The following DMXL1 variants were observed in gnomAD, a reference collection of about 807,000 sequenced individuals.
DMXL1 encodes dmX-like protein 1.
Under a neutral mutation model 319.2 loss-of-function variants are expected in DMXL1, and 99 were observed. The observed-to-expected ratio is 0.31, with a 90% CI of 0.26 to 0.37. DMXL1 has a LOEUF of 0.37. Among genes scored for constraint, DMXL1 ranks in the 10% least tolerant of loss-of-function variants. The pLI, the probability that DMXL1 is intolerant of heterozygous loss-of-function variation, is 1.00. For missense variants in DMXL1, 3,745 were observed against 3,595.6 expected, an observed-to-expected ratio of 1.04 and a Z score of -1.06; for synonymous variants, 1,385 against 1,235.2, an observed-to-expected ratio of 1.12 and a Z score of -2.54.
chr5:119,246,630 C>CTTT (rs11284492), intron 43 of DMXL1, among the ~76,000 whole-genome samples: 1 of 70,384 alleles, frequency 1.4e-5, no homozygotes, highest in Non-Finnish European at 3.0e-5. Context: ...TTTTCTTTTC[C>CTTT]TTTTTTTTTT....
At position 119,148,899 on chromosome 5, in the gene DMXL1, A is replaced by G. The variant is rs1296184117; in HGVS notation, c.3072A>G (p.Glu1024=). The G allele has an allele frequency of 6.2e-7, 1 of 1,613,888 alleles. No individual in the cohort carries two copies. The highest frequency in any genetic ancestry group is 1.7e-5 in the Admixed American group (1 of 59,984). The change falls in exon 18 of 44, where the codon GAA becomes GAG. Residue 1024 remains glutamate (E), a synonymous_variant. Transcript: ENST00000539542. The part of the protein sequence containing the change: ...NGKIDLAYIW[E]EWPLLIEDGL... ...AAATTGATCTTGCATACATTTGGGA[A>G]GAATGGCCATTACTTATTGAAGATG...
At chr5:119,162,207 G>A (rs72784088) in intron 19 of DMXL1, among the ~76,000 whole-genome samples, 37,847 of 152,018 alleles carry the variant, frequency 0.25, 4,992 homozygotes, top group East Asian at 0.55. Flanking sequence ...CCCTTCTACT[G>A]CAGTTTTTGT....
intron 34 of DMXL1, among the ~76,000 whole-genome samples, chr5:119,215,641 A>G (rs892622646): frequency 1.3e-5 from 2 of 152,026 alleles, no homozygotes; most frequent in Admixed American, 6.6e-5. Flanking sequence ...CTTAGTTGCT[A>G]TTTTTAAAAC....
intron 41 of DMXL1, among the ~76,000 whole-genome samples, 182 bp from the exon 42 acceptor site, chr5:119,240,237 C>T (rs1355011176): frequency 6.6e-6 from 1 of 152,138 alleles, no homozygotes; most frequent in Non-Finnish European, 1.5e-5. Context: ...TCCACCACTG[C>T]ATTCTTTTTT....
rs770281161 is a variant in DMXL1, at chr5:119,119,021, C to A, written c.933+17C>A. 1.3e-6 allele frequency: 2 copies of A among 1,569,290 alleles called. No homozygotes were observed. Among genetic ancestry groups the A allele is most frequent in the South Asian group, 2.3e-5 (2 of 85,146 alleles). On this transcript the variant is annotated intron_variant, in intron 8 of 43. Transcript: ENST00000539542. ...GCTTTAGAAGTGAGTGTTTTTGTTACATTACTTACTACAAGTTTTAAAACC... is the reference window on the plus strand; with the variant it reads ...GCTTTAGAAGTGAGTGTTTTTGTTAAATTACTTACTACAAGTTTTAAAACC...
chr5:119,178,439 T>C, intron 28 of DMXL1, 195 bp downstream of exon 28: 2 of 361,630 alleles, frequency 5.5e-6, no homozygotes, highest in Non-Finnish European at 7.7e-6. Flanking sequence ...AAGATATTCC[T>C]GTACCAATAA....
At position 119,171,101 on chromosome 5, in the gene DMXL1, C is replaced by T. The variant is rs1297418472; in HGVS notation, c.6310C>T (p.Pro2104Ser). ...ATTAAATGAGGATGCTGAAGATTTGCCTCACCAAACAAAAGTGAAACAACT... is the reference window on the plus strand; with the variant it reads ...ATTAAATGAGGATGCTGAAGATTTGTCTCACCAAACAAAAGTGAAACAACT... ...FGLNEDAEDL[P>S]HQTKVKQLRE... The change falls in exon 24 of 44, where the codon CCT becomes TCT. Residue 2104 changes from proline (P) to serine (S), a missense_variant. Pro to Ser is a moderately conservative substitution (Grantham distance 74). Around this residue, in one of 4 missense-constraint regions of DMXL1, gnomAD observed 1,382 missense variants for 1,269.5 expected, o/e 1.09. Transcript: ENST00000539542. 3 of 1,613,636 alleles carry T rather than the reference C, an allele frequency of 1.9e-6. No homozygotes were observed. Among genetic ancestry groups the T allele is most frequent in the Non-Finnish European group, 2.5e-6 (3 of 1,179,838 alleles).
intron 38 of DMXL1, among the ~76,000 whole-genome samples, chr5:119,232,829 A>G (rs1787026209): frequency 1.3e-5 from 2 of 151,804 alleles, no homozygotes; most frequent in Non-Finnish European, 2.9e-5. Flanking sequence ...AAAATTAACT[A>G]CAAAATTACA....
chr5:119,121,077 C>G lies in DMXL1; in HGVS notation c.1040C>G (p.Thr347Ser). 2 of 1,613,264 alleles carry G rather than the reference C, an allele frequency of 1.2e-6. No individual in the cohort carries two copies. Among genetic ancestry groups the G allele is most frequent in the Admixed American group, 1.7e-5 (1 of 59,630 alleles). ...QQDPHHVHRN[T>S]PLHANALCHF... ...GATCCTCATCATGTTCACAGGAACACTCCACTGCATGCCAATGCACTTTGC... is the reference window on the plus strand; with the variant it reads ...GATCCTCATCATGTTCACAGGAACAGTCCACTGCATGCCAATGCACTTTGC... Residue 347 changes from threonine (T) to serine (S), a missense_variant, in exon 9 of 44, where the codon ACT (threonine) becomes AGT (serine). By Grantham distance (58) the Thr-to-Ser change is moderately conservative (BLOSUM62 1). Around this residue, in one of 4 missense-constraint regions of DMXL1, gnomAD observed 2,096 missense variants for 1,985.4 expected, o/e 1.06. Transcript: ENST00000539542.
chr5:119,164,652 C>T lies in DMXL1; in HGVS notation c.4848C>T (p.Arg1616=). 6.2e-7 allele frequency: 1 copy of T among 1,601,480 alleles called. No individual in the cohort carries two copies. The highest frequency in any genetic ancestry group is 1.3e-5 in the African/African-American group (1 of 74,856). Residue 1616 remains arginine, a synonymous_variant, in exon 20 of 44, where the codon CGC becomes CGT. Transcript: ENST00000539542. ...TGGGGTGGTGGGTCCGGAATACCCG[C>T]ATCTTACGCAAATGCATAGAAAAAG... The part of the protein sequence containing the change: ...MGVGWWVRNT[R]ILRKCIEKVA...
At chr5:119,180,156 A>G (rs1776535230) in intron 28 of DMXL1, among the ~76,000 whole-genome samples, 1 of 152,194 alleles carries the variant, frequency 6.6e-6, no homozygotes, top group Non-Finnish European at 1.5e-5. Context: ...CTTCCCTGTT[A>G]AAGGAATTTC....
rs761454313 is a variant in DMXL1, at chr5:119,170,636, T to C, written c.5845T>C (p.Ser1949Pro). The change falls in exon 24 of 44, where the codon TCT becomes CCT. Residue 1949 changes from serine (S) to proline (P), a missense_variant. This residue lies in a region of DMXL1 where 1,382 missense variants were observed against 1,269.5 expected (regional missense o/e 1.09). Coordinates refer to ENST00000539542, the MANE Select transcript of DMXL1 (RefSeq NM_001290321.3). ...SSEKQSNSTL[S>P]FDWSQPSVVF... is the part of the protein sequence containing the mutation. Reference sequence around the variant, plus strand: ...AGAGAAGCAATCAAACTCCACTCTTTCTTTTGACTGGAGCCAACCAAGTGT... The same window carrying C: ...AGAGAAGCAATCAAACTCCACTCTTCCTTTTGACTGGAGCCAACCAAGTGT... 4 of 1,613,658 alleles carry C rather than the reference T, an allele frequency of 2.5e-6. No individual in the cohort carries two copies. Among genetic ancestry groups the C allele is most frequent in the Admixed American group, 3.3e-5 (2 of 59,946 alleles).
At chr5:119,151,709 A>G (rs758197555) in intron 18 of DMXL1, among the ~76,000 whole-genome samples, 8 of 152,152 alleles carry the variant, frequency 5.3e-5, no homozygotes, top group Non-Finnish European at 1.0e-4. Context: ...TCAGTTTATA[A>G]AGAGTATCAG....
At position 119,244,523 on chromosome 5, in the gene DMXL1, G is replaced by A; in HGVS notation, c.8869G>A (p.Val2957Ile). Residue 2957 changes from valine to isoleucine, a missense_variant, in exon 43 of 44, where the codon GTT (valine) becomes ATT (isoleucine). Physicochemically the swap from Val to Ile is conservative, Grantham distance 29. This residue lies in a region of DMXL1 where 262 missense variants were observed against 320.5 expected (regional missense o/e 0.82). Coordinates refer to ENST00000539542, the MANE Select transcript of DMXL1 (RefSeq NM_001290321.3). Reference sequence around the variant, plus strand: ...TGATTCTCCTGTTAAAGCCGTTGCTGTTGATCCAACTGAAGAGTACTTTGT... The same window carrying A: ...TGATTCTCCTGTTAAAGCCGTTGCTATTGATCCAACTGAAGAGTACTTTGT... Reference protein sequence around the residue: ...SHDSPVKAVAVDPTEEYFVTG... With the variant: ...SHDSPVKAVAIDPTEEYFVTG... 2 of 1,614,128 alleles carry A rather than the reference G, an allele frequency of 1.2e-6. No homozygotes were observed. The highest frequency in any genetic ancestry group is 1.1e-5 in the South Asian group (1 of 91,082).
chr5:119,186,572 T>C (rs1484798086), intron 28 of DMXL1, among the ~76,000 whole-genome samples: 2 of 152,210 alleles, frequency 1.3e-5, no homozygotes, highest in East Asian at 3.8e-4. Flanking sequence ...AACTGAAAAG[T>C]AAATATTAAC....
In DMXL1 at chr5:119,189,787, A is replaced by C; in HGVS notation, c.7215A>C (p.Pro2405=). The C allele has an allele frequency of 6.2e-7, 1 of 1,614,158 alleles. No homozygotes were observed. ...AAATGTCTTGCAGAGAATCTGCCCC[A>C]CTGACCCCTTCCTCGGCACCAGTAA... ...PSKMSCRESA[P]LTPSSAPVSQ... is the part of the protein sequence containing the mutation. The change falls in exon 29 of 44, where the codon CCA becomes CCC. Residue 2405 remains proline, a synonymous_variant. Coordinates refer to ENST00000539542, the MANE Select transcript of DMXL1 (RefSeq NM_001290321.3).
At chr5:119,091,177 T>A (rs1754724725) in intron 1 of DMXL1, among the ~76,000 whole-genome samples, 1 of 151,954 alleles carries the variant, frequency 6.6e-6, no homozygotes, top group Admixed American at 6.6e-5. Flanking sequence ...CTTTGTTTGG[T>A]GAGATCATGG....
chr5:119,128,130 C>A, intron 9 of DMXL1: 1 of 499,176 alleles, frequency 2.0e-6, no homozygotes. Flanking sequence ...CTCTTGTGAG[C>A]AGCAACTGAA....
At chr5:119,127,663 C>T in intron 9 of DMXL1, 1 of 175,196 alleles carries the variant, frequency 5.7e-6, no homozygotes, top group Non-Finnish European at 1.2e-5. Context: ...GGTCTCGAAC[C>T]CCTGGCCTCA....
Sources: allele counts gnomAD v4.1 joint callset (sites outside exome capture counted in the v4.1 genomes callset), GRCh38; gene constraint gnomAD v4.1.1; regional missense constraint gnomAD v4.1.1; transcripts MANE v1.5; gene names NCBI Gene and HGNC (gene_info 2026-07-23, HGNC 2026-07-21).